The following TAFA4 variants were observed in gnomAD, a reference collection of about 807,000 sequenced individuals.
TAFA4 encodes TAFA chemokine like family member 4.
In TAFA4, 20 loss-of-function variants were observed where a neutral mutation model predicts 21.1. The observed-to-expected ratio is 0.95, with a 90% CI of 0.67 to 1.38. The LOEUF (loss-of-function observed/expected upper bound fraction) is 1.38. TAFA4 is among the 40% of genes most tolerant of loss of function. The probability of loss-of-function intolerance (pLI) is 0.00; values close to 1 mark genes in which losing one functional copy is unlikely to be tolerated. For missense variants in TAFA4, 211 were observed against 180.9 expected (o/e 1.17, Z -0.95); for synonymous variants, 71 against 67.4 (o/e 1.05, Z -0.26).
At chr3:68,832,540 G>A (rs2106880752) in intron 3 of TAFA4, among the ~76,000 whole-genome samples, 1 of 152,288 alleles carries the variant, frequency 6.6e-6, no homozygotes, top group African/African-American at 2.4e-5. Context: ...ATTGCTACCT[G>A]ATCCTTCCTC....
rs183929296 is a variant in TAFA4 at position 68,815,811 on chromosome 3, T to C, written c.131-62793A>G. The stretch of plus-strand genomic sequence containing the variant: ...CCATTTGACCCAGCAATCCCATTAC[T>C]GGGTATATACCCAAAGGACTATAAA... On this transcript the variant is annotated intron_variant, in intron 3 of 5. Transcript: ENST00000295569. Among the ~76,000 whole-genome samples the C allele has an allele frequency of 1.6e-4, 25 of 151,926 alleles. No homozygotes were observed. In the East Asian group the frequency reaches 4.8e-3, roughly 29 times the overall value.
chr3:68,843,656 T>C (rs893204044), intron 3 of TAFA4, among the ~76,000 whole-genome samples: 12 of 152,260 alleles, frequency 7.9e-5, no homozygotes, highest in African/African-American at 2.9e-4. Flanking sequence ...TGTGGGTCTG[T>C]CATAAATAGC....
At chr3:68,897,092 G>C (rs1298784822) in intron 1 of TAFA4, among the ~76,000 whole-genome samples, 1 of 151,852 alleles carries the variant, frequency 6.6e-6, no homozygotes, top group African/African-American at 2.4e-5. Context: ...AGTAGAGATG[G>C]GGTTTTGCCA....
chr3:68,927,418 AAAT>A (rs2090118478), intron 1 of TAFA4, among the ~76,000 whole-genome samples: 1 of 152,206 alleles, frequency 6.6e-6, no homozygotes, highest in South Asian at 2.1e-4. Flanking sequence ...AAAAATGAAT[AAAT>A]AATAACTCTA....
At chr3:68,876,730 T>C (rs2089553589) in intron 3 of TAFA4, among the ~76,000 whole-genome samples, 1 of 146,880 alleles carries the variant, frequency 6.8e-6, no homozygotes, top group Admixed American at 6.7e-5. Flanking sequence ...GCATAATCAT[T>C]TATAACAGAA....
intron 3 of TAFA4, among the ~76,000 whole-genome samples, chr3:68,857,611 T>C (rs1471885147): frequency 2.0e-5 from 3 of 152,114 alleles, no homozygotes; most frequent in Non-Finnish European, 2.9e-5. Context: ...GAAATGTAAA[T>C]ACATATACAT....
At chr3:68,787,832 GCTT>G (rs759337818) in intron 3 of TAFA4, among the ~76,000 whole-genome samples, 3 of 152,226 alleles carry the variant, frequency 2.0e-5, no homozygotes, top group Non-Finnish European at 2.9e-5. Flanking sequence ...GTGTAATAAA[GCTT>G]CTAGACGAGC....
intron 3 of TAFA4, among the ~76,000 whole-genome samples, chr3:68,863,090 T>C (rs1397013256): frequency 6.7e-6 from 1 of 148,176 alleles, no homozygotes; most frequent in African/African-American, 2.5e-5. Context: ...AAAAAAAAAT[T>C]AGCCAGACAT....
At chr3:68,831,673 G>A (rs182429877) in intron 3 of TAFA4, among the ~76,000 whole-genome samples, 26 of 152,154 alleles carry the variant, frequency 1.7e-4, no homozygotes, top group East Asian at 3.9e-4. Context: ...GGGGTTGCTC[G>A]TCTTGAGGAG....
intron 1 of TAFA4, among the ~76,000 whole-genome samples, chr3:68,909,241 T>C (rs2089932279): frequency 6.6e-6 from 1 of 152,128 alleles, no homozygotes; most frequent in South Asian, 2.1e-4. Context: ...AGTTCTGTCT[T>C]GTGGAAGAGG....
intron 1 of TAFA4, among the ~76,000 whole-genome samples, chr3:68,893,418 TATA>T (rs1460252397): frequency 2.0e-5 from 3 of 152,232 alleles, no homozygotes. Context: ...CAGCTGCTAG[TATA>T]ATATCTTGCA....
At chr3:68,891,622 C>T (rs2089731577) in intron 1 of TAFA4, among the ~76,000 whole-genome samples, 1 of 152,102 alleles carries the variant, frequency 6.6e-6, no homozygotes, top group South Asian at 2.1e-4. Context: ...AATCATTTTT[C>T]CACACTAATT....
intron 4 of TAFA4, among the ~76,000 whole-genome samples, chr3:68,746,483 A>T (rs1702460005): frequency 6.6e-6 from 1 of 152,184 alleles, no homozygotes; most frequent in South Asian, 2.1e-4. Flanking sequence ...TGCTTTATAA[A>T]ATATGCTCCA....
chr3:68,848,251 C>T lies in TAFA4; in HGVS notation c.130+32479G>A, dbSNP rs376335748. 4.6e-5 allele frequency among the ~76,000 whole-genome samples: 7 copies of T among 152,288 alleles called. 1 individual carries two copies. Among genetic ancestry groups the T allele is most frequent in the African/African-American group, 1.7e-4 (7 of 41,562 alleles). On this transcript the variant is annotated intron_variant, in intron 3 of 5. Coordinates refer to ENST00000295569, the MANE Select transcript of TAFA4 (RefSeq NM_182522.5). The stretch of plus-strand genomic sequence containing the variant: ...ATCTTCTCCATACTTAAGTAGAACA[C>T]ACACGAAATTAACCTGTCCAGCATT...
chr3:68,765,112 T>C (rs1702825359), intron 3 of TAFA4, among the ~76,000 whole-genome samples: 1 of 152,132 alleles, frequency 6.6e-6, no homozygotes, highest in Non-Finnish European at 1.5e-5. Flanking sequence ...AGTTAGAAGA[T>C]AAAAATAAAC....
At chr3:68,911,923 T>C (rs747926482) in intron 1 of TAFA4, among the ~76,000 whole-genome samples, 6 of 152,140 alleles carry the variant, frequency 3.9e-5, no homozygotes, top group Non-Finnish European at 7.4e-5. Flanking sequence ...GGAAATCATT[T>C]CAATTCTCCA....
chr3:68,845,658 A>G (rs1260791500), intron 3 of TAFA4, among the ~76,000 whole-genome samples: 1 of 152,134 alleles, frequency 6.6e-6, no homozygotes, highest in Non-Finnish European at 1.5e-5. Flanking sequence ...GGCTGGTACC[A>G]GTTTTTCCTT....
chr3:68,829,263 A>C (rs543245137), intron 3 of TAFA4, among the ~76,000 whole-genome samples: 4 of 152,156 alleles, frequency 2.6e-5, no homozygotes, highest in Non-Finnish European at 5.9e-5. Flanking sequence ...CAACCATCTG[A>C]TCTTTGACAA....
At chr3:68,814,934 C>A (rs948401726) in intron 3 of TAFA4, among the ~76,000 whole-genome samples, 1 of 152,120 alleles carries the variant, frequency 6.6e-6, no homozygotes, top group Admixed American at 6.6e-5. Context: ...CTACAGTAAC[C>A]AAAACAGCAT....
Sources: gnomAD v4.1 joint callset for allele counts (sites outside exome capture counted in the v4.1 genomes callset) on GRCh38, gnomAD v4.1.1 for gene constraint, MANE v1.5 for transcripts, NCBI Gene and HGNC (gene_info 2026-07-23, HGNC 2026-07-21) for gene names.